The following FGD2 variants were observed in gnomAD, a reference collection of about 807,000 sequenced individuals.
FGD2 encodes FYVE, RhoGEF and PH domain-containing protein 2.
In FGD2, 52 loss-of-function variants were observed where a neutral mutation model predicts 75.9. The ratio of observed to expected loss-of-function variants is 0.69; its 90% CI spans 0.55 to 0.86. FGD2 has a LOEUF of 0.86. FGD2 is among the 40% of genes least tolerant of loss of function. The probability of loss-of-function intolerance (pLI) is 0.00; values close to 1 mark genes in which losing one functional copy is unlikely to be tolerated. For synonymous variants in FGD2, 347 were observed against 348.6 expected (o/e 1.00, Z 0.05); for missense variants, 790 against 872.0 (o/e 0.91, Z 1.18).
At chr6:37,016,724 A>G (rs1278815425) in intron 9 of FGD2, among the ~76,000 whole-genome samples, 2 of 152,030 alleles carry the variant, frequency 1.3e-5, no homozygotes, top group Non-Finnish European at 2.9e-5. Context: ...GGTAGGAGAG[A>G]TGGGGTTTCA....
chr6:37,011,658 G>C, intron 3 of FGD2, 48 bp from the exon 4 acceptor site: 1 of 1,612,120 alleles, frequency 6.2e-7, no homozygotes, highest in South Asian at 1.1e-5. Flanking sequence ...GCTGATGTGT[G>C]GGTGGCTCCC....
Position 37,020,751 on chromosome 6 carries a change from C to T in FGD2, c.1233+12C>T, listed in dbSNP as rs1316116156. On this transcript the variant is annotated intron_variant, in intron 11 of 15. Coordinates refer to ENST00000274963, the MANE Select transcript of FGD2 (RefSeq NM_173558.4). Reference sequence around the variant, plus strand: ...TTTCCTGGATGCAGGTATGGGAACGCTCCGAGGCTTCTGGGAGTCTTTTTC... The same window carrying T: ...TTTCCTGGATGCAGGTATGGGAACGTTCCGAGGCTTCTGGGAGTCTTTTTC... 2.6e-6 allele frequency: 4 copies of T among 1,562,698 alleles called. No homozygotes were observed. Among genetic ancestry groups the T allele is most frequent in the Non-Finnish European group, 2.6e-6 (3 of 1,152,104 alleles).
intron 4 of FGD2, 149 bp downstream of exon 4, chr6:37,012,003 G>A: frequency 1.2e-6 from 1 of 817,546 alleles, no homozygotes; most frequent in Non-Finnish European, 1.8e-6. Flanking sequence ...TCTGCACAGT[G>A]AAGGGCTTGG....
intron 1 of FGD2, among the ~76,000 whole-genome samples, chr6:37,006,238 C>T (rs1486850876): frequency 1.3e-5 from 2 of 152,202 alleles, no homozygotes; most frequent in South Asian, 2.1e-4. Flanking sequence ...ATTAGGATAA[C>T]CATATAATTT....
chr6:37,016,213 G>T (rs573355927), intron 9 of FGD2, among the ~76,000 whole-genome samples: 2 of 152,186 alleles, frequency 1.3e-5, no homozygotes, highest in African/African-American at 4.8e-5. Context: ...GTCTGGGTGG[G>T]GGGGTGCCTG....
Position 37,005,763 on chromosome 6 carries a change from G to C in FGD2, c.-55G>C. On this transcript the variant is annotated 5_prime_UTR_variant, in exon 1 of 16. Transcript: ENST00000274963. Reference sequence around the variant, plus strand: ...CCAGCGTGGCTGAGTGTGCTGGCTGGAGGCCTCTCTCTCTGCTTCGAGGGT... The same window carrying C: ...CCAGCGTGGCTGAGTGTGCTGGCTGCAGGCCTCTCTCTCTGCTTCGAGGGT... 1.3e-6 allele frequency: 2 copies of C among 1,590,140 alleles called. No homozygotes were observed. The highest frequency in any genetic ancestry group is 2.2e-5 in the East Asian group (1 of 44,610).
At chr6:37,017,725 A>G (rs1765369370) in intron 9 of FGD2, among the ~76,000 whole-genome samples, 1 of 152,060 alleles carries the variant, frequency 6.6e-6, no homozygotes, top group South Asian at 2.1e-4. Context: ...CCCAGAAGGG[A>G]GCTGCAGGCA....
At chr6:37,025,611 A>T in intron 13 of FGD2, 181 bp from the exon 14 acceptor site, 1 of 632,850 alleles carries the variant, frequency 1.6e-6, no homozygotes, top group Non-Finnish European at 2.7e-6. Flanking sequence ...CGCAGCCTCC[A>T]GGCAGTTGGG....
In FGD2 at chr6:37,015,017, C is replaced by T. The variant is rs1476811282; in HGVS notation, c.1008C>T (p.Pro336=). 5 of 1,614,008 alleles carry T rather than the reference C, an allele frequency of 3.1e-6. No individual in the cohort carries two copies. The highest frequency in any genetic ancestry group is 4.2e-6 in the Non-Finnish European group (5 of 1,179,920). Residue 336 remains proline, a synonymous_variant, in exon 8 of 16, where the codon CCC becomes CCT. Coordinates refer to ENST00000274963, the MANE Select transcript of FGD2 (RefSeq NM_173558.4). ...VLKISFRRND[P]MERYLFLFNN... is the part of the protein sequence containing the mutation. The stretch of plus-strand genomic sequence containing the variant: ...AGATCTCCTTCCGCCGCAACGACCC[C>T]ATGGAGCGCTACCTTTTCTTGGTAA...
At chr6:37,006,413 A>G (rs981837525) in intron 1 of FGD2, among the ~76,000 whole-genome samples, 1 of 152,082 alleles carries the variant, frequency 6.6e-6, no homozygotes, top group African/African-American at 2.4e-5. Context: ...TTACTTATTT[A>G]ATTTAGTCAT....
rs923501228 is a variant in FGD2 at position 37,028,799 on chromosome 6, G to C, written c.*636G>C. ...AATTTTTTTATTTTTTGTAGAGATG[G>C]GATTTCACCATGTTACTCAGGCTGG... On this transcript the variant is annotated 3_prime_UTR_variant, in exon 16 of 16. Transcript: ENST00000274963. The C allele has an allele frequency of 4.6e-5, 7 of 151,610 alleles. No homozygotes were observed. The highest frequency in any genetic ancestry group is 3.9e-4 in the Admixed American group (6 of 15,222). 9.4% of individuals were successfully genotyped at this position (151,610 alleles called of 1,614,324 possible).
chr6:37,010,963 T>G lies in FGD2; in HGVS notation c.301-10T>G. 1 of 1,613,796 alleles carries G rather than the reference T, an allele frequency of 6.2e-7. No individual in the cohort carries two copies. Among genetic ancestry groups the G allele is most frequent in the South Asian group, 1.1e-5 (1 of 91,080 alleles). On this transcript the variant is annotated splice_polypyrimidine_tract_variant and intron_variant, in intron 2 of 15. Coordinates refer to ENST00000274963, the MANE Select transcript of FGD2 (RefSeq NM_173558.4). The stretch of plus-strand genomic sequence containing the variant: ...CTTTTTCTCCTTCTCTCCCCTCCAA[T>G]CCTCCGCAGGAGCCAGAGAAGAAGA...
Position 37,021,592 on chromosome 6 carries a change from C to G in FGD2, c.1314C>G (p.Ile438Met). 1 of 1,613,792 alleles carries G rather than the reference C, an allele frequency of 6.2e-7. No individual in the cohort carries two copies. Among genetic ancestry groups the G allele is most frequent in the African/African-American group, 1.3e-5 (1 of 75,044 alleles). The change falls in exon 12 of 16, where the codon ATC becomes ATG. Residue 438 changes from isoleucine to methionine, a missense_variant. Transcript: ENST00000274963. ...KAAAQGPEGD[I>M]QEQELQSEEL... is the part of the protein sequence containing the mutation. ...CGGCCCAGGGGCCTGAGGGAGACAT[C>G]CAGGAGCAGGAGGTAAATGAAGGCT...
intron 1 of FGD2, among the ~76,000 whole-genome samples, chr6:37,006,495 G>C (rs1453092152): frequency 1.3e-5 from 2 of 152,130 alleles, no homozygotes; most frequent in African/African-American, 4.8e-5. Flanking sequence ...ACACAGAGAG[G>C]TGAGGATGCC....
intron 1 of FGD2, among the ~76,000 whole-genome samples, chr6:37,006,815 G>A (rs1333556796): frequency 1.1e-4 from 16 of 152,148 alleles, no homozygotes; most frequent in Admixed American, 9.8e-4. Flanking sequence ...AGCAGGGCCG[G>A]GCAGGGGGAG....
intron 9 of FGD2, among the ~76,000 whole-genome samples, chr6:37,017,482 C>T (rs1382971392): frequency 1.1e-4 from 17 of 152,212 alleles, no homozygotes; most frequent in Admixed American, 5.9e-4. Context: ...GGCGCTTCTG[C>T]GTCTAACCAC....
intron 9 of FGD2, among the ~76,000 whole-genome samples, 174 bp downstream of exon 9, chr6:37,016,034 G>T (rs768554879): frequency 2.6e-5 from 4 of 152,214 alleles, no homozygotes; most frequent in Admixed American, 1.3e-4. Flanking sequence ...TAGCCCTCCT[G>T]CCCTGTCCTT....
chr6:37,025,740 A>G, intron 13 of FGD2, 52 bp from the exon 14 acceptor site: 1 of 1,607,838 alleles, frequency 6.2e-7, no homozygotes, highest in South Asian at 1.1e-5. Flanking sequence ...GCAGGAGCCC[A>G]GCCCTCCGGT....
intron 8 of FGD2, among the ~76,000 whole-genome samples, chr6:37,015,416 C>T (rs12199978): frequency 0.28 from 43,019 of 152,136 alleles, 6,652 homozygotes; most frequent in Middle Eastern, 0.44. Flanking sequence ...TCTCCTGACA[C>T]CTGGAAAGGT....
Sources: allele counts gnomAD v4.1 joint callset (sites outside exome capture counted in the v4.1 genomes callset), GRCh38; gene constraint gnomAD v4.1.1; transcripts MANE v1.5; gene names NCBI Gene and HGNC (gene_info 2026-07-23, HGNC 2026-07-21).